Variants in PHACTR3 observed in about 807,000 individuals in gnomAD.
The protein encoded by PHACTR3 is protein phosphatase 1, regulatory subunit 123.
A neutral mutation model predicts 66.8 loss-of-function variants in PHACTR3; 16 were observed. The observed-to-expected ratio is 0.24, with a 90% CI of 0.16 to 0.36. The LOEUF (loss-of-function observed/expected upper bound fraction) is 0.36. Among genes scored for constraint, PHACTR3 ranks in the 10% least tolerant of loss-of-function variants. The pLI is 1.00. For missense variants in PHACTR3, 647 were observed against 719.9 expected (o/e 0.90, Z 1.16); for synonymous variants, 323 against 292.1 (o/e 1.11, Z -1.08).
chr20:59,603,517 G>C (rs1315440514), upstream of PHACTR3: 1 of 152,696 alleles, frequency 6.5e-6, no homozygotes, highest in African/African-American at 2.4e-5. Flanking sequence ...CACTGCCAGC[G>C]CTCACACTGC....
Position 59,695,382 on chromosome 20 carries a change from C to T in PHACTR3, c.119-47725C>T, listed in dbSNP as rs139782038. On this transcript the variant is annotated intron_variant, in intron 1 of 12. Coordinates refer to ENST00000371015, the MANE Select transcript of PHACTR3 (RefSeq NM_080672.5). ...CTGCTTCATTCTCTTCCTCCTTCTC[C>T]GGCTATGTCTTGTGAGATGTACCTG... Among the ~76,000 whole-genome samples, 7 of 152,218 alleles carry T rather than the reference C, an allele frequency of 4.6e-5. No individual in the cohort carries two copies. The South Asian group carries it at 6.2e-4, about 14-fold the overall frequency.
chr20:59,594,618 G>T (rs959008371), intron 1 of PHACTR3, among the ~76,000 whole-genome samples: 5 of 152,108 alleles, frequency 3.3e-5, no homozygotes, highest in South Asian at 2.1e-4. Flanking sequence ...ATGTTCATGG[G>T]ATCTGCAATG....
intron 1 of PHACTR3, among the ~76,000 whole-genome samples, chr20:59,713,134 C>G (rs1265594908): frequency 3.3e-5 from 5 of 152,198 alleles, no homozygotes; most frequent in Admixed American, 3.3e-4. Context: ...AACAGCTCTC[C>G]TGGGTGCCTG....
chr20:59,656,299 TTTGC>T (rs1390500512), intron 1 of PHACTR3, among the ~76,000 whole-genome samples: 1 of 151,948 alleles, frequency 6.6e-6, no homozygotes, highest in Non-Finnish European at 1.5e-5. Flanking sequence ...TCTATCAATA[TTTGC>T]TTCATATATT....
intron 1 of PHACTR3, among the ~76,000 whole-genome samples, chr20:59,630,452 G>C (rs1455476661): frequency 6.6e-6 from 1 of 152,124 alleles, no homozygotes; most frequent in East Asian, 1.9e-4. Context: ...CAAAGTGCTG[G>C]GATTACAGGC....
At chr20:59,726,582 G>T (rs2146702361) in intron 1 of PHACTR3, among the ~76,000 whole-genome samples, 1 of 152,288 alleles carries the variant, frequency 6.6e-6, no homozygotes, top group East Asian at 1.9e-4. Flanking sequence ...TTGGTAGGGA[G>T]TTCCACAGGA....
chr20:59,794,351 A>G (rs978641659), intron 7 of PHACTR3, among the ~76,000 whole-genome samples: 2 of 152,092 alleles, frequency 1.3e-5, no homozygotes, highest in African/African-American at 2.4e-5. Context: ...TTAACATATT[A>G]ATTTTTACAT....
chr20:59,666,671 GGA>G (rs911921137), intron 1 of PHACTR3, among the ~76,000 whole-genome samples: 1 of 151,784 alleles, frequency 6.6e-6, no homozygotes, highest in Admixed American at 6.6e-5. Context: ...AGAGAAACAG[GGA>G]GAGAGAGAGA....
At chr20:59,660,038 C>G (rs898467463) in intron 1 of PHACTR3, among the ~76,000 whole-genome samples, 5 of 152,178 alleles carry the variant, frequency 3.3e-5, no homozygotes, top group Non-Finnish European at 7.3e-5. Context: ...AATTGAATGT[C>G]CGGAGTTCCC....
At chr20:59,621,028 G>A (rs2034213608) in intron 1 of PHACTR3, among the ~76,000 whole-genome samples, 1 of 152,210 alleles carries the variant, frequency 6.6e-6, no homozygotes, top group South Asian at 2.1e-4. Context: ...CCCAGACGTG[G>A]CCACTGGGAG....
intron 1 of PHACTR3, among the ~76,000 whole-genome samples, chr20:59,723,018 T>G (rs1257753265): frequency 6.6e-6 from 1 of 150,716 alleles, no homozygotes. Flanking sequence ...TTTTCTTCCC[T>G]TTTTTTCTTT....
intron 3 of PHACTR3, among the ~76,000 whole-genome samples, chr20:59,750,361 G>T (rs115258788): frequency 6.6e-6 from 1 of 152,110 alleles, no homozygotes; most frequent in Non-Finnish European, 1.5e-5. Context: ...AATTAGATGC[G>T]CTGGGCGTGG....
upstream of PHACTR3, among the ~76,000 whole-genome samples, chr20:59,603,247 G>A (rs372117772): frequency 2.6e-5 from 4 of 152,230 alleles, no homozygotes; most frequent in South Asian, 2.1e-4. Context: ...CCCCTTTCCC[G>A]GAAGACTCAA....
intron 1 of PHACTR3, among the ~76,000 whole-genome samples, chr20:59,587,072 G>T (rs558211970): frequency 2.0e-5 from 3 of 152,348 alleles, no homozygotes; most frequent in South Asian, 2.1e-4. Flanking sequence ...CTTGTGGGGT[G>T]CCTGTCTTGG....
chr20:59,812,731 C>T (rs532588999), intron 8 of PHACTR3, among the ~76,000 whole-genome samples: 5 of 152,186 alleles, frequency 3.3e-5, no homozygotes, highest in Non-Finnish European at 7.4e-5. Flanking sequence ...ATTTCAGACA[C>T]GTGGAAGCGG....
intron 1 of PHACTR3, among the ~76,000 whole-genome samples, chr20:59,619,613 A>T (rs2034164125): frequency 6.6e-6 from 1 of 152,146 alleles, no homozygotes; most frequent in South Asian, 2.1e-4. Flanking sequence ...TGAGACCCCA[A>T]GCAGAGGACC....
intron 3 of PHACTR3, among the ~76,000 whole-genome samples, chr20:59,751,946 A>G (rs547731534): frequency 7.9e-5 from 12 of 152,154 alleles, no homozygotes; most frequent in African/African-American, 2.9e-4. Context: ...TCTGTGCTAG[A>G]CACTGTTTAT....
chr20:59,639,735 G>GA (rs5842276), intron 1 of PHACTR3, among the ~76,000 whole-genome samples: 12,389 of 152,190 alleles, frequency 0.081, 794 homozygotes, highest in East Asian at 0.36. Context: ...GGAGAAGGGG[G>GA]ATGGATGCAC....
intron 3 of PHACTR3, among the ~76,000 whole-genome samples, chr20:59,754,113 G>A (rs559342643): frequency 9.8e-5 from 15 of 152,334 alleles, no homozygotes; most frequent in Middle Eastern, 3.4e-3. Context: ...GGGCTGTAAC[G>A]TGCATCTCAG....
Sources: allele counts gnomAD v4.1 joint callset (sites outside exome capture counted in the v4.1 genomes callset), GRCh38; gene constraint gnomAD v4.1.1; transcripts MANE v1.5; gene names NCBI Gene and HGNC (gene_info 2026-07-23, HGNC 2026-07-21).